The following PRSS3 variants were observed in gnomAD, a reference collection of about 807,000 sequenced individuals.
PRSS3 encodes the protein trypsin-3.
PRSS3 carries 14 observed loss-of-function variants against 20.8 expected under a neutral mutation model. That is an observed-to-expected ratio of 0.67 (90% confidence interval 0.44 to 1.05). The LOEUF is 1.05. Among genes scored for constraint, PRSS3 ranks in the 50% least tolerant of loss-of-function variants. The probability of loss-of-function intolerance (pLI) is 0.00; values close to 1 mark genes in which losing one functional copy is unlikely to be tolerated. For synonymous variants in PRSS3, 91 were observed against 117.6 expected, an observed-to-expected ratio of 0.77 and a Z score of 1.46; for missense variants, 237 against 306.4, an observed-to-expected ratio of 0.77 and a Z score of 1.69.
intron 1 of PRSS3, among the ~76,000 whole-genome samples, chr9:33,754,604 T>G (rs10971681): frequency 0.027 from 4,113 of 151,396 alleles, 70 homozygotes; most frequent in Non-Finnish European, 0.042. Flanking sequence ...TCAAGGCGGG[T>G]GGATCACCTG....
intron 1 of PRSS3, among the ~76,000 whole-genome samples, chr9:33,770,159 A>AG: frequency 6.6e-6 from 1 of 152,334 alleles, no homozygotes; most frequent in African/African-American, 2.4e-5. Context: ...AAAAAAAAAA[A>AG]AAAATTGAAC....
At chr9:33,781,931 C>T (rs1390445780) in intron 1 of PRSS3, among the ~76,000 whole-genome samples, 1 of 152,190 alleles carries the variant, frequency 6.6e-6, no homozygotes, top group East Asian at 1.9e-4. Context: ...ACTTGGTTCA[C>T]AGCCAATGCA....
chr9:33,750,972 C>T lies in PRSS3; in HGVS notation c.-53+245C>T. 1 of 941,980 alleles carries T rather than the reference C, an allele frequency of 1.1e-6. No homozygotes were observed. The highest frequency in any genetic ancestry group is 1.4e-6 in the Non-Finnish European group (1 of 705,142). 58.4% of individuals were successfully genotyped at this position (941,980 alleles called of 1,614,324 possible). On this transcript the variant is annotated intron_variant, in intron 1 of 5. Coordinates refer to the PRSS3 transcript ENST00000342836. The surrounding 1 kb of genome is among the most constrained non-coding windows in gnomAD (Gnocchi z 4.8). ...GTGTCGCAGAAGCCCACCTGGGGCC[C>T]CCTCCGGGCTGCGGCACCGATGCGC...
At chr9:33,794,017 C>A (rs1262784592), upstream of PRSS3, among the ~76,000 whole-genome samples, 4 of 152,226 alleles carry the variant, frequency 2.6e-5, no homozygotes, top group Non-Finnish European at 5.9e-5. Flanking sequence ...AGCAGTGGAT[C>A]TCCTGGCTTT....
At chr9:33,752,205 T>C (rs1285291965) in intron 1 of PRSS3, among the ~76,000 whole-genome samples, 3 of 152,220 alleles carry the variant, frequency 2.0e-5, no homozygotes, top group African/African-American at 7.2e-5. Flanking sequence ...CGCACCCTTC[T>C]GGTTGATGTT....
chr9:33,760,608 T>A (rs996429062), intron 1 of PRSS3, among the ~76,000 whole-genome samples: 4 of 151,754 alleles, frequency 2.6e-5, no homozygotes, highest in African/African-American at 9.7e-5. Context: ...TAGCTGGGTG[T>A]GGTGGCGGGC....
Position 33,780,084 on chromosome 9 carries a change from T to A in PRSS3, c.-52-14662T>A, listed in dbSNP as rs763352064. 1.4e-4 allele frequency among the ~76,000 whole-genome samples: 22 copies of A among 151,794 alleles called. 1 individual carries two copies. Among genetic ancestry groups the A allele is most frequent in the Non-Finnish European group, 2.4e-4 (16 of 67,964 alleles). ...CAGAGAACCCTGGCTAGTTACTATA[T>A]AAGACAACTATCCCCAAGACACATA... On this transcript the variant is annotated intron_variant, in intron 1 of 5. Coordinates refer to the PRSS3 transcript ENST00000342836.
intron 2 of PRSS3, 151 bp from the exon 3 acceptor site, chr9:33,797,678 C>T: frequency 2.0e-6 from 3 of 1,510,224 alleles, no homozygotes; most frequent in Non-Finnish European, 2.7e-6. Context: ...CACTGACCCA[C>T]ATCCCTCTCC....
intron 1 of PRSS3, among the ~76,000 whole-genome samples, chr9:33,779,651 G>C (rs71519292): frequency 1.3e-5 from 2 of 151,960 alleles, no homozygotes; most frequent in Non-Finnish European, 2.9e-5. Context: ...GGCAGATCAC[G>C]AGTTCAGGAG....
At chr9:33,786,675 T>C in intron 1 of PRSS3, 2 of 766,380 alleles carry the variant, frequency 2.6e-6, no homozygotes, top group South Asian at 2.7e-5. Flanking sequence ...GTGACACTGA[T>C]TGCAACTGCA....
rs1269116361 is a variant in PRSS3 at position 33,758,341 on chromosome 9, G to T, written c.-53+7614G>T. ...CTCTCTTCTGGCCATTACTGAGATA[G>T]CTCCTGCTCTGGTCTCACTGGGGCT... is the stretch of plus-strand genomic sequence containing the variant. On this transcript the variant is annotated intron_variant, in intron 1 of 5. Transcript: ENST00000342836. 2.0e-5 allele frequency among the ~76,000 whole-genome samples: 3 copies of T among 152,314 alleles called. No individual in the cohort carries two copies. In the South Asian group the frequency reaches 6.2e-4, roughly 32 times the overall value.
At chr9:33,786,640 G>A in intron 1 of PRSS3, 4 of 766,380 alleles carry the variant, frequency 5.2e-6, no homozygotes, top group Admixed American at 5.1e-5. Context: ...TGATGTTCTG[G>A]TACTGTCAGC....
intron 1 of PRSS3, among the ~76,000 whole-genome samples, chr9:33,782,367 C>T (rs923323429): frequency 2.0e-5 from 3 of 152,166 alleles, no homozygotes; most frequent in African/African-American, 7.2e-5. Context: ...AATTGGCTCA[C>T]TACCTGGGTG....
chr9:33,771,060 C>T (rs1823666706), intron 1 of PRSS3, among the ~76,000 whole-genome samples: 2 of 152,220 alleles, frequency 1.3e-5, no homozygotes, highest in Non-Finnish European at 2.9e-5. Context: ...AGCCCCACAA[C>T]AAAGACCCCT....
At chr9:33,761,052 G>A (rs888005140) in intron 1 of PRSS3, among the ~76,000 whole-genome samples, 6 of 152,214 alleles carry the variant, frequency 3.9e-5, no homozygotes, top group Admixed American at 2.0e-4. Context: ...TATGCGCTAG[G>A]ACTGCTACCA....
intron 1 of PRSS3, among the ~76,000 whole-genome samples, chr9:33,754,217 GTGCACCACCACGCC>G (rs1331129712): frequency 6.6e-6 from 1 of 151,764 alleles, no homozygotes; most frequent in Non-Finnish European, 1.5e-5. Flanking sequence ...GATTACAGGC[GTGCACCACCACGCC>G]CAGCTAATTT....
chr9:33,782,797 A>C (rs1452675821), intron 1 of PRSS3, among the ~76,000 whole-genome samples: 2 of 152,248 alleles, frequency 1.3e-5, no homozygotes, highest in Admixed American at 6.5e-5. Flanking sequence ...AATTTGGGAA[A>C]ATAATAGTTT....
At chr9:33,794,687 T>C, upstream of PRSS3, 1 of 1,483,730 alleles carries the variant, frequency 6.7e-7, no homozygotes, top group Non-Finnish European at 9.0e-7. Context: ...GGGCATGTCA[T>C]TCTGGTTCAG....
At chr9:33,753,992 G>A (rs558170835) in intron 1 of PRSS3, among the ~76,000 whole-genome samples, 2 of 152,170 alleles carry the variant, frequency 1.3e-5, no homozygotes, top group South Asian at 2.1e-4. Context: ...GCAGAAAGAC[G>A]GGCAGAGGCA....
Sources: gnomAD v4.1 joint callset for allele counts (sites outside exome capture counted in the v4.1 genomes callset) on GRCh38, gnomAD v4.1.1 for gene constraint, Gnocchi (gnomAD v3.1) non-coding constraint, MANE v1.5 for transcripts, NCBI Gene and HGNC (gene_info 2026-07-23, HGNC 2026-07-21) for gene names.